Variants in BUB3 observed in about 807,000 individuals in gnomAD.
BUB3 encodes the protein BUB3 mitotic checkpoint protein.
Under a neutral mutation model 39.9 loss-of-function variants are expected in BUB3, and 22 were observed. That is an observed-to-expected ratio of 0.55 (90% CI 0.39 to 0.79). The LOEUF is 0.79. BUB3 is among the 30% of genes least tolerant of loss of function. The pLI, the probability that BUB3 is intolerant of heterozygous loss-of-function variation, is 0.00. For missense variants in BUB3, 303 were observed against 415.4 expected, an observed-to-expected ratio of 0.73 and a Z score of 2.35; for synonymous variants, 168 against 155.1, an observed-to-expected ratio of 1.08 and a Z score of -0.62.
intron 5 of BUB3, 47 bp downstream of exon 5, chr10:123,160,612 G>T: frequency 1.4e-6 from 2 of 1,428,866 alleles, no homozygotes; most frequent in South Asian, 1.6e-5. Flanking sequence ...AAAATAATAT[G>T]ATCTTATATT....
intron 3 of BUB3, among the ~76,000 whole-genome samples, chr10:123,156,965 G>C (rs1026539497): frequency 6.6e-6 from 1 of 152,068 alleles, no homozygotes; most frequent in African/African-American, 2.4e-5. Flanking sequence ...GGATGGTCTT[G>C]AACTCCTGAT....
At position 123,162,539 on chromosome 10, in the gene BUB3, T is replaced by G. The variant is rs1294887968; in HGVS notation, c.755-73T>G. 5.1e-6 allele frequency: 8 copies of G among 1,558,726 alleles called. No individual in the cohort carries two copies. In the East Asian group the frequency reaches 1.8e-4, roughly 35 times the overall value. On this transcript the variant is annotated intron_variant, in intron 6 of 7. Coordinates refer to ENST00000368865, the MANE Select transcript of BUB3 (RefSeq NM_004725.4). ...ATGTAACTTCTATGACCTTAAAAAT[T>G]AACTGTTAAGAGAATGGTTATTTCT...
In BUB3 at chr10:123,154,506, T is replaced by G. The variant is rs1160283126; in HGVS notation, c.-1+21T>G. Reference sequence around the variant, plus strand: ...CCAAGGTAGGGAGGCGAGGCGACGGTGTGCGGGAGCGGGCTCTCCAGGGAC... The same window carrying G: ...CCAAGGTAGGGAGGCGAGGCGACGGGGTGCGGGAGCGGGCTCTCCAGGGAC... On this transcript the variant is annotated intron_variant, in intron 1 of 7. Coordinates refer to ENST00000368865, the MANE Select transcript of BUB3 (RefSeq NM_004725.4). 2.5e-5 allele frequency: 4 copies of G among 160,992 alleles called. No homozygotes were observed. The East Asian group carries it at 5.5e-4, about 22-fold the overall frequency. 10.0% of individuals were successfully genotyped at this position (160,992 alleles called of 1,614,324 possible). A position where few individuals can be genotyped will look rare whatever the true frequency, so the allele number is the denominator to read the frequency against.
Position 123,160,409 on chromosome 10 carries a change from A to G in BUB3, c.420A>G (p.Val140=), listed in dbSNP as rs1002237760. Reference sequence around the variant, plus strand: ...CAAGTTTTGATCTTTTTTAAAAGGTATATACCCTCTCAGTGTCTGGAGACC... The same window carrying G: ...CAAGTTTTGATCTTTTTTAAAAGGTGTATACCCTCTCAGTGTCTGGAGACC... ...NAGTFSQPEK[V]YTLSVSGDRL... is the part of the protein sequence containing the mutation. The change falls in exon 5 of 8, where the codon GTA becomes GTG. Residue 140 remains valine, a splice_region_variant and synonymous_variant. Coordinates refer to ENST00000368865, the MANE Select transcript of BUB3 (RefSeq NM_004725.4). 6.3e-6 allele frequency: 10 copies of G among 1,595,628 alleles called. No individual in the cohort carries two copies. The highest frequency in any genetic ancestry group is 4.1e-5 in the African/African-American group (3 of 73,776).
Position 123,155,560 on chromosome 10 carries a change from A to G in BUB3, c.196-98A>G. 4 of 1,148,334 alleles carry G rather than the reference A, an allele frequency of 3.5e-6. No individual in the cohort carries two copies. The South Asian group carries it at 5.1e-5, about 15-fold the overall frequency. 71.1% of individuals were successfully genotyped at this position (1,148,334 alleles called of 1,614,324 possible). On this transcript the variant is annotated intron_variant, in intron 2 of 7. Transcript: ENST00000368865. ...TACCATGAATAGTTGAGCCCAGTGC[A>G]TATCCCGAGCATAAACTGAACACTT... is the stretch of plus-strand genomic sequence containing the variant.
At position 123,167,881 on chromosome 10, in the gene BUB3, C is replaced by T. The variant is rs558971710; in HGVS notation, c.*4046C>T. 16 of 152,234 alleles carry T rather than the reference C, an allele frequency of 1.1e-4. No homozygotes were observed. The highest frequency in any genetic ancestry group is 3.4e-4 in the African/African-American group (14 of 41,548). The allele number at this position is 152,234 out of a possible 1,614,324, so 9.4% of individuals were successfully genotyped here. ...TTACCACAAGGAGGTTACTAAACAT[C>T]TCCATCACCTTGTTAAATTGAGTTA... is the stretch of plus-strand genomic sequence containing the variant. On this transcript the variant is annotated 3_prime_UTR_variant, in exon 8 of 8. Coordinates refer to ENST00000368865, the MANE Select transcript of BUB3 (RefSeq NM_004725.4).
rs1589688000 is a variant in BUB3 at position 123,155,670 on chromosome 10, G to A, written c.208G>A (p.Ala70Thr). 3 of 1,613,936 alleles carry A rather than the reference G, an allele frequency of 1.9e-6. No homozygotes were observed. The South Asian group carries it at 3.3e-5, about 18-fold the overall frequency. The change falls in exon 3 of 8, where the codon GCC becomes ACC. Residue 70 changes from alanine to threonine, a missense_variant. By Grantham distance (58) the Ala-to-Thr change is moderately conservative (BLOSUM62 0). Coordinates refer to ENST00000368865, the MANE Select transcript of BUB3 (RefSeq NM_004725.4). ...LDCAFYDPTH[A>T]WSGGLDHQLK... The stretch of plus-strand genomic sequence containing the variant: ...AACTATTTTATAGGATCCAACGCAT[G>A]CCTGGAGTGGAGGACTAGATCATCA...
intron 4 of BUB3, among the ~76,000 whole-genome samples, chr10:123,158,627 T>C (rs1844380982): frequency 6.6e-6 from 1 of 152,250 alleles, no homozygotes; most frequent in Non-Finnish European, 1.5e-5. Context: ...CATCATTATT[T>C]ACAATAGTGC....
chr10:123,160,894 A>G (rs900490411), intron 5 of BUB3, among the ~76,000 whole-genome samples: 3 of 152,336 alleles, frequency 2.0e-5, no homozygotes, highest in Admixed American at 1.3e-4. Flanking sequence ...CGCTTTGCAG[A>G]TATTTCAGTT....
chr10:123,164,888 C>G lies in BUB3; in HGVS notation c.*1053C>G, dbSNP rs1276024803. The G allele has an allele frequency of 1.7e-5, 24 of 1,389,784 alleles. No individual in the cohort carries two copies. The highest frequency in any genetic ancestry group is 2.2e-5 in the Non-Finnish European group (24 of 1,072,372). The allele number at this position is 1,389,784 out of a possible 1,614,324, so 86.1% of individuals were successfully genotyped here. ...TATATTAATTTGCAAATGTATGTCT[C>G]TGAGTAGGACTTGGACCTTTCCTGA... On this transcript the variant is annotated 3_prime_UTR_variant, in exon 8 of 8. Coordinates refer to ENST00000368865, the MANE Select transcript of BUB3 (RefSeq NM_004725.4).
In BUB3 at chr10:123,166,338, C is replaced by G. The variant is rs1287308941; in HGVS notation, c.*2503C>G. ...ACTTTTGAACCTTGTAGTTGTGACCCAAGTAAGAAATACATTTTGAACTAC... is the reference window on the plus strand; with the variant it reads ...ACTTTTGAACCTTGTAGTTGTGACCGAAGTAAGAAATACATTTTGAACTAC... On this transcript the variant is annotated 3_prime_UTR_variant, in exon 8 of 8. Transcript: ENST00000368865. 2 of 152,108 alleles carry G rather than the reference C, an allele frequency of 1.3e-5. No homozygotes were observed. The highest frequency in any genetic ancestry group is 2.4e-5 in the African/African-American group (1 of 41,410). The allele number at this position is 152,108 out of a possible 1,614,324, so 9.4% of individuals were successfully genotyped here. A position where few individuals can be genotyped will look rare whatever the true frequency, so the allele number is the denominator to read the frequency against.
chr10:123,157,243 A>G (rs1844361949), intron 3 of BUB3, among the ~76,000 whole-genome samples: 1 of 152,228 alleles, frequency 6.6e-6, no homozygotes, highest in East Asian at 1.9e-4. Context: ...AGCCATGTAA[A>G]TAAGTTTCTT....
At chr10:123,161,389 G>GT (rs1381300599) in intron 5 of BUB3, among the ~76,000 whole-genome samples, 7 of 152,094 alleles carry the variant, frequency 4.6e-5, no homozygotes, top group Non-Finnish European at 8.8e-5. Context: ...TTAGGAAATT[G>GT]TAAGTTTCCA....
At chr10:123,159,149 A>T (rs567311082) in intron 4 of BUB3, among the ~76,000 whole-genome samples, 2 of 152,272 alleles carry the variant, frequency 1.3e-5, no homozygotes, top group South Asian at 2.1e-4. Context: ...ATATCTGCTT[A>T]TATTAAATCT....
chr10:123,162,498 A>T, intron 6 of BUB3, 85 bp downstream of exon 6: 1 of 1,561,906 alleles, frequency 6.4e-7, no homozygotes, highest in South Asian at 1.2e-5. Context: ...AAAAATCTGT[A>T]CAGTGCTTTA....
At chr10:123,161,466 C>G (rs1420490561) in intron 5 of BUB3, among the ~76,000 whole-genome samples, 1 of 151,990 alleles carries the variant, frequency 6.6e-6, no homozygotes, top group Non-Finnish European at 1.5e-5. Context: ...AATATGCTTA[C>G]ATTGTGAACA....
chr10:123,162,389 A>C lies in BUB3; in HGVS notation c.730A>C (p.Asn244His). The change falls in exon 6 of 8, where the codon AAT (asparagine) becomes CAT (histidine). Residue 244 changes from asparagine (N) to histidine (H), a missense_variant. Asn to His is a moderately conservative substitution (Grantham distance 68). Transcript: ENST00000368865. ...IYPVNAISFH[N>H]IHNTFATGGS... The stretch of plus-strand genomic sequence containing the variant: ...CCCAGTCAATGCCATTTCTTTTCAC[A>C]ATATCCACAATACATTTGCCACAGG... The C allele has an allele frequency of 6.2e-7, 1 of 1,614,032 alleles. No individual in the cohort carries two copies. Among genetic ancestry groups the C allele is most frequent in the Non-Finnish European group, 8.5e-7 (1 of 1,179,962 alleles).
At chr10:123,162,909 A>G (rs1388679419) in intron 7 of BUB3, 81 bp downstream of exon 7, 8 of 1,300,838 alleles carry the variant, frequency 6.1e-6, no homozygotes, top group South Asian at 1.2e-5. Flanking sequence ...CATGAATAGC[A>G]TTGTTGATGC....
rs1844503297 is a variant in BUB3, at chr10:123,167,173, A to C, written c.*3338A>C. The C allele has an allele frequency of 1.3e-5, 2 of 152,200 alleles. No individual in the cohort carries two copies. The highest frequency in any genetic ancestry group is 6.5e-5 in the Admixed American group (1 of 15,280). The allele number at this position is 152,200 out of a possible 1,614,324, so 9.4% of individuals were successfully genotyped here. On this transcript the variant is annotated 3_prime_UTR_variant, in exon 8 of 8. Coordinates refer to ENST00000368865, the MANE Select transcript of BUB3 (RefSeq NM_004725.4). ...TTTACCTTTTACCACTCCCCCAGAAAACACTGGGGTTCTTCTCTTACGCTG... is the reference window on the plus strand; with the variant it reads ...TTTACCTTTTACCACTCCCCCAGAACACACTGGGGTTCTTCTCTTACGCTG...
Sources: gnomAD v4.1 joint callset for allele counts (sites outside exome capture counted in the v4.1 genomes callset) on GRCh38, gnomAD v4.1.1 for gene constraint, MANE v1.5 for transcripts, NCBI Gene and HGNC (gene_info 2026-07-23, HGNC 2026-07-21) for gene names.